LSAMP: variants seen among roughly 807,000 people sequenced by gnomAD.
LSAMP encodes limbic system associated membrane protein.
Under a neutral mutation model 38.6 loss-of-function variants are expected in LSAMP, and 7 were observed. That is an observed-to-expected ratio of 0.18 (90% CI 0.10 to 0.34). LSAMP has a LOEUF of 0.34. LSAMP is among the 10% of genes least tolerant of loss of function. LSAMP has a pLI of 1.00. For synonymous variants in LSAMP, 154 were observed against 166.8 expected (o/e 0.92, Z 0.59); for missense variants, 313 against 420.0 (o/e 0.75, Z 2.23).
intron 1 of LSAMP, among the ~76,000 whole-genome samples, chr3:116,359,074 T>C (rs1039377904): frequency 9.2e-5 from 14 of 152,208 alleles, no homozygotes; most frequent in Non-Finnish European, 2.1e-4. Context: ...GATTTGACCT[T>C]TCTATATGTG....
intron 1 of LSAMP, among the ~76,000 whole-genome samples, chr3:116,369,644 A>G (rs751789761): frequency 2.6e-5 from 4 of 152,166 alleles, no homozygotes; most frequent in Non-Finnish European, 4.4e-5. Flanking sequence ...ATAGAATGTT[A>G]TTGACTGGAA....
intron 1 of LSAMP, among the ~76,000 whole-genome samples, chr3:116,157,559 A>G (rs1709783262): frequency 6.6e-6 from 1 of 152,310 alleles, no homozygotes; most frequent in African/African-American, 2.4e-5. Context: ...AAAATAGAGA[A>G]GAAAACGTAA....
intron 1 of LSAMP, among the ~76,000 whole-genome samples, chr3:116,113,416 ATATATTT>A (rs1283876448): frequency 3.0e-5 from 2 of 67,156 alleles, no homozygotes; most frequent in African/African-American, 1.3e-4. Flanking sequence ...ATATATATAT[ATATATTT>A]TTTTTTTTTT....
At chr3:116,266,159 C>T (rs781776230) in intron 1 of LSAMP, among the ~76,000 whole-genome samples, 2 of 152,136 alleles carry the variant, frequency 1.3e-5, no homozygotes, top group Non-Finnish European at 2.9e-5. Flanking sequence ...TCTTCCCTCC[C>T]TTTCTTCCCC....
At chr3:116,121,773 A>T (rs1193652645) in intron 1 of LSAMP, among the ~76,000 whole-genome samples, 1 of 152,168 alleles carries the variant, frequency 6.6e-6, no homozygotes, top group Non-Finnish European at 1.5e-5. Context: ...CTGGCTCTAG[A>T]GCAAGCTTGT....
intron 1 of LSAMP, among the ~76,000 whole-genome samples, chr3:116,388,307 G>A (rs1316549267): frequency 6.6e-6 from 1 of 152,140 alleles, no homozygotes; most frequent in African/African-American, 2.4e-5. Flanking sequence ...AAAAGGTGGA[G>A]GGAGTGATGT....
chr3:115,903,449 A>T (rs1016125851), intron 3 of LSAMP, among the ~76,000 whole-genome samples: 7 of 152,126 alleles, frequency 4.6e-5, no homozygotes, highest in African/African-American at 1.4e-4. Context: ...ACATGAGTTT[A>T]CCTATATAAA....
intron 1 of LSAMP, among the ~76,000 whole-genome samples, chr3:116,414,024 G>T (rs1475826766): frequency 6.6e-6 from 1 of 152,050 alleles, no homozygotes; most frequent in Non-Finnish European, 1.5e-5. Flanking sequence ...AAGGAAGGAG[G>T]CAGGAAAGGC....
intron 6 of LSAMP, among the ~76,000 whole-genome samples, chr3:115,817,107 C>A (rs569685096): frequency 1.3e-5 from 2 of 152,320 alleles, no homozygotes; most frequent in East Asian, 1.9e-4. Flanking sequence ...GCTTGCTTTT[C>A]ATTTGCTTGG....
intron 1 of LSAMP, among the ~76,000 whole-genome samples, chr3:116,258,888 G>C (rs1294679508): frequency 6.6e-6 from 1 of 151,994 alleles, no homozygotes; most frequent in African/African-American, 2.4e-5. Flanking sequence ...CTTATCAAAA[G>C]GTTTACGTGT....
rs1166570920 is a variant in LSAMP, at chr3:116,207,971, T to TC, written c.156-121416dup. On this transcript the variant is annotated intron_variant, in intron 1 of 6. Transcript: ENST00000490035. ...CTGCCTTGCTAGATTGGGGAAGTTC[T>TC]CCTGGATAATATCCTGCAGAGTGTT... is the stretch of plus-strand genomic sequence containing the variant. Among the ~76,000 whole-genome samples, 244 of 149,106 alleles carry TC rather than the reference T, an allele frequency of 1.6e-3. 1 individual carries two copies. Among genetic ancestry groups the TC allele is most frequent in the African/African-American group, 5.3e-3 (217 of 40,994 alleles).
At chr3:115,976,615 C>G (rs1473419559) in intron 3 of LSAMP, among the ~76,000 whole-genome samples, 1 of 152,148 alleles carries the variant, frequency 6.6e-6, no homozygotes, top group African/African-American at 2.4e-5. Flanking sequence ...TGGTTTGGCT[C>G]TGCATCCTCA....
chr3:116,081,697 T>C (rs1051606828), intron 2 of LSAMP, among the ~76,000 whole-genome samples: 21 of 152,306 alleles, frequency 1.4e-4, no homozygotes, highest in Admixed American at 1.3e-3. Flanking sequence ...AACATAATTA[T>C]GCAATCCTGG....
At chr3:115,854,284 T>TATTTTA (rs369597774) in intron 3 of LSAMP, among the ~76,000 whole-genome samples, 3 of 85,042 alleles carry the variant, frequency 3.5e-5, no homozygotes, top group African/African-American at 1.6e-4. Context: ...TTATTATTAT[T>TATTTTA]TTTTTTTTTT....
At chr3:116,287,359 G>A (rs1217161993) in intron 1 of LSAMP, among the ~76,000 whole-genome samples, 1 of 152,102 alleles carries the variant, frequency 6.6e-6, no homozygotes, top group Non-Finnish European at 1.5e-5. Context: ...GCACTCCCAA[G>A]CATGAAGACT....
Position 116,445,025 on chromosome 3 carries a change from T to C in LSAMP, c.7A>G (p.Arg3Gly), listed in dbSNP as rs1177648208. The C allele has an allele frequency of 6.2e-7, 1 of 1,611,430 alleles. No homozygotes were observed. The highest frequency in any genetic ancestry group is 2.2e-5 in the East Asian group (1 of 44,786). The change falls in exon 1 of 7, where the codon AGG becomes GGG. Residue 3 changes from arginine (R) to glycine (G), a missense_variant. Transcript: ENST00000490035. MV[R>G]RVQPDRKQLP... ...TGTTTCCGATCCGGCTGAACTCTCC[T>C]GACCATGGTGGCCACGCCGAGGTGC...
intron 1 of LSAMP, among the ~76,000 whole-genome samples, chr3:116,220,490 T>C (rs2107615892): frequency 6.6e-6 from 1 of 151,864 alleles, no homozygotes; most frequent in Admixed American, 6.6e-5. Flanking sequence ...GGAAAAATGT[T>C]TAATAGAGGA....
chr3:115,995,345 T>G (rs1939784971), intron 3 of LSAMP, among the ~76,000 whole-genome samples: 1 of 152,022 alleles, frequency 6.6e-6, no homozygotes, highest in Non-Finnish European at 1.5e-5. Flanking sequence ...CAAGGGGGGC[T>G]TTTTCCTCTT....
chr3:115,962,029 A>C (rs1172716444), intron 3 of LSAMP, among the ~76,000 whole-genome samples: 2 of 152,188 alleles, frequency 1.3e-5, no homozygotes, highest in Admixed American at 1.3e-4. Context: ...ATGACCAGCA[A>C]AGGCACTGGC....
Sources: gnomAD v4.1 joint callset for allele counts (sites outside exome capture counted in the v4.1 genomes callset) on GRCh38, gnomAD v4.1.1 for gene constraint, MANE v1.5 for transcripts, NCBI Gene and HGNC (gene_info 2026-07-23, HGNC 2026-07-21) for gene names.